The following TLR1 variants were observed in gnomAD, a reference collection of about 807,000 sequenced individuals.
TLR1 encodes toll like receptor 1, also known as toll-like receptor 1.
TLR1 carries 19 observed loss-of-function variants against 20.2 expected under a neutral mutation model. The ratio of observed to expected loss-of-function variants is 0.94; its 90% CI spans 0.66 to 1.38. The LOEUF (loss-of-function observed/expected upper bound fraction) is 1.38, where lower values mean the gene tolerates loss of function less well. TLR1 is among the 40% of genes most tolerant of loss of function. The pLI is 0.00. For synonymous variants in TLR1, 320 were observed against 334.5 expected, an observed-to-expected ratio of 0.96 and a Z score of 0.47; for missense variants, 921 against 910.0, an observed-to-expected ratio of 1.01 and a Z score of -0.16.
rs748263847 is a variant in TLR1, at chr4:38,797,896, G to A, written c.936C>T (p.Phe312=). ...CATAGATATAACTTTGCGGAAAACC[G>A]AACACATCGCTGACAACTTGGTGTA... is the stretch of plus-strand genomic sequence containing the variant. The part of the protein sequence containing the change: ...LSIHQVVSDV[F]GFPQSYIYEI... The change falls in exon 4 of 4, where the codon TTC becomes TTT. Residue 312 remains phenylalanine (F), a synonymous_variant. Coordinates refer to ENST00000308979, the MANE Select transcript of TLR1 (RefSeq NM_003263.4). 111 of 1,613,986 alleles carry A rather than the reference G, an allele frequency of 6.9e-5. 1 individual carries two copies. In the Admixed American group the frequency reaches 1.4e-3, roughly 20 times the overall value.
At chr4:38,802,855 A>G (rs56360499) in intron 2 of TLR1, among the ~76,000 whole-genome samples, 1 of 152,318 alleles carries the variant, frequency 6.6e-6, no homozygotes, top group African/African-American at 2.4e-5. Flanking sequence ...TAGCCATAAC[A>G]TAGGGAAGGT....
chr4:38,799,948 G>A (rs1201336203), intron 3 of TLR1, among the ~76,000 whole-genome samples: 7 of 152,134 alleles, frequency 4.6e-5, no homozygotes, highest in Admixed American at 3.9e-4. Context: ...TGGGGAGACA[G>A]AAAATAAATG....
downstream of TLR1, among the ~76,000 whole-genome samples, chr4:38,788,322 A>T (rs1725650560): frequency 6.6e-6 from 1 of 152,222 alleles, no homozygotes; most frequent in African/African-American, 2.4e-5. Context: ...CGGTAAAGAG[A>T]AAAGAGTACA....
rs775469175 is a variant in TLR1 at position 38,796,764 on chromosome 4, TC to T, written c.2067del (p.Ser690ValfsTer37). The T allele has an allele frequency of 1.7e-5, 28 of 1,614,104 alleles. No individual in the cohort carries two copies. The highest frequency in any genetic ancestry group is 2.2e-5 in the Non-Finnish European group (26 of 1,180,042). On this transcript the variant is annotated frameshift_variant, in exon 4 of 4. Transcript: ENST00000308979. LOFTEE classifies it high-confidence loss of function. ...IVENIITCIEKSYKSIFVLSP... is the reference protein window; with the variant it reads ...IVENIITCIEXSYKSIFVLSP... ...GACAAAACAAAGATGGACTTGTAAC[TC>T]TTCTCAATGCAGGTGATGATATTTT...
At position 38,797,008 on chromosome 4, in the gene TLR1, C is replaced by G; in HGVS notation, c.1824G>C (p.Trp608Cys). ...TSLCSYLDLPWYLRMVCQWTQ... is the reference protein window; with the variant it reads ...TSLCSYLDLPCYLRMVCQWTQ... ...TCCACTGGCACACCATCCTGAGATACCAGGGCAGATCCAAGTAGCTGCAGA... is the reference window on the plus strand; with the variant it reads ...TCCACTGGCACACCATCCTGAGATAGCAGGGCAGATCCAAGTAGCTGCAGA... The change falls in exon 4 of 4, where the codon TGG becomes TGC. Residue 608 changes from tryptophan to cysteine, a missense_variant. Coordinates refer to ENST00000308979, the MANE Select transcript of TLR1 (RefSeq NM_003263.4). 6.2e-7 allele frequency: 1 copy of G among 1,614,130 alleles called. No homozygotes were observed. The highest frequency in any genetic ancestry group is 8.5e-7 in the Non-Finnish European group (1 of 1,180,038).
chr4:38,800,196 G>A (rs552583715), intron 3 of TLR1, among the ~76,000 whole-genome samples: 115 of 152,178 alleles, frequency 7.6e-4, no homozygotes, highest in Non-Finnish European at 1.2e-3. Flanking sequence ...TAAAGGACCT[G>A]AGATGGAATT....
chr4:38,798,449 G>A lies in TLR1; in HGVS notation c.383C>T (p.Ala128Val), dbSNP rs1397041174. 6.2e-7 allele frequency: 1 copy of A among 1,613,786 alleles called. No homozygotes were observed. The highest frequency in any genetic ancestry group is 1.3e-5 in the African/African-American group (1 of 74,864). ...HLDLSFNAFD[A>V]LPICKEFGNM... ...GCCAAACTCTTTGCATATAGGCAGG[G>A]CATCAAATGCATTAAATGACAGGTC... The change falls in exon 4 of 4, where the codon GCC becomes GTC. Residue 128 changes from alanine to valine, a missense_variant. Physicochemically the swap from Ala to Val is moderately conservative, Grantham distance 64 (BLOSUM62 0). Transcript: ENST00000308979.
At chr4:38,792,047 A>G (rs534761979), downstream of TLR1, among the ~76,000 whole-genome samples, 122 of 152,198 alleles carry the variant, frequency 8.0e-4, 1 homozygote, top group Non-Finnish European at 1.6e-3. Context: ...GATTTCTAAA[A>G]CAACCATATG....
chr4:38,792,853 T>TTATATATATATATATATATA (rs72518392), downstream of TLR1, among the ~76,000 whole-genome samples: 796 of 122,014 alleles, frequency 6.5e-3, 22 homozygotes, highest in African/African-American at 0.013. Context: ...TATTTTCAAA[T>TTATATATATATATATATATA]TATATATATA....
At position 38,798,710 on chromosome 4, in the gene TLR1, T is replaced by C; in HGVS notation, c.122A>G (p.Lys41Arg). 1 of 1,613,920 alleles carries C rather than the reference T, an allele frequency of 6.2e-7. No homozygotes were observed. The highest frequency in any genetic ancestry group is 8.5e-7 in the Non-Finnish European group (1 of 1,179,972). Residue 41 changes from lysine (K) to arginine (R), a missense_variant, in exon 4 of 4, where the codon AAA becomes AGA. Coordinates refer to ENST00000308979, the MANE Select transcript of TLR1 (RefSeq NM_003263.4). ...GATTGTTGTTTTCTGGGATAGGTCT[T>C]TAGGAACGTGGATGAGACCGTTTTT... ...RSKNGLIHVP[K>R]DLSQKTTILN... is the part of the protein sequence containing the mutation.
At chr4:38,791,768 C>T (rs1172023720), downstream of TLR1, among the ~76,000 whole-genome samples, 1 of 152,114 alleles carries the variant, frequency 6.6e-6, no homozygotes, top group Non-Finnish European at 1.5e-5. Flanking sequence ...TTGCTTAATG[C>T]CAGGAACTGT....
chr4:38,794,635 G>GAAAAA (rs72449147), downstream of TLR1: 3 of 121,072 alleles, frequency 2.5e-5, no homozygotes, highest in African/African-American at 8.7e-5. Flanking sequence ...AGACCTAATG[G>GAAAAA]AAAAAAAAAA....
At chr4:38,793,677 T>C (rs1412769655), downstream of TLR1, among the ~76,000 whole-genome samples, 2 of 152,196 alleles carry the variant, frequency 1.3e-5, no homozygotes, top group Non-Finnish European at 2.9e-5. Flanking sequence ...AAACTCTAAG[T>C]GACTTTAGGT....
chr4:38,797,360 C>T lies in TLR1; in HGVS notation c.1472G>A (p.Ser491Asn), dbSNP rs370784389. Residue 491 changes from serine (S) to asparagine (N), a missense_variant, in exon 4 of 4, where the codon AGC (serine) becomes AAC (asparagine). Physicochemically the swap from Ser to Asn is conservative, Grantham distance 46. Transcript: ENST00000308979. Reference protein sequence around the residue: ...TDLPGCGSFSSLSVLIIDHNS... With the variant: ...TDLPGCGSFSNLSVLIIDHNS... ...GTGATCAATGATCAATACAGAAAGG[C>T]TGCTAAAGCTGCCACATCCAGGAAG... 1.7e-5 allele frequency: 27 copies of T among 1,613,916 alleles called. No individual in the cohort carries two copies. Among genetic ancestry groups the T allele is most frequent in the Admixed American group, 5.0e-5 (3 of 59,998 alleles).
In TLR1 at chr4:38,796,821, T is replaced by A; in HGVS notation, c.2011A>T (p.Arg671Ter). Residue 671 changes from arginine (R) to a stop codon, truncating the protein, a stop_gained, in exon 4 of 4, where the codon AGA becomes TGA. Transcript: ENST00000308979. LOFTEE classifies it high-confidence loss of function. ...KEGMQICLHE[R>*]NFVPGKSIVE... is the part of the protein sequence containing the mutation. ...ATGCTCTTGCCAGGAACAAAGTTTCTCTCATGAAGGCAAATCTGCATACCT... is the reference window on the plus strand; with the variant it reads ...ATGCTCTTGCCAGGAACAAAGTTTCACTCATGAAGGCAAATCTGCATACCT... The A allele has an allele frequency of 1.2e-6, 2 of 1,614,258 alleles. No homozygotes were observed. Among genetic ancestry groups the A allele is most frequent in the Non-Finnish European group, 1.7e-6 (2 of 1,180,048 alleles).
chr4:38,801,244 A>G (rs1726620618), intron 2 of TLR1, among the ~76,000 whole-genome samples: 1 of 152,160 alleles, frequency 6.6e-6, no homozygotes, highest in South Asian at 2.1e-4. Flanking sequence ...TCAGATTAGT[A>G]CCTTTATAAA....
At position 38,796,571 on chromosome 4, in the gene TLR1, G is replaced by A; in HGVS notation, c.2261C>T (p.Thr754Ile). ...HKLKSLMARR[T>I]YLEWPKEKSK... The stretch of plus-strand genomic sequence containing the variant: ...CTTTTCCTTGGGCCATTCCAAATAA[G>A]TCCTCCTGGCCATGAGACTTTTGAG... The change falls in exon 4 of 4, where the codon ACT (threonine) becomes ATT (isoleucine). Residue 754 changes from threonine to isoleucine, a missense_variant. Physicochemically the swap from Thr to Ile is moderately conservative, Grantham distance 89 (BLOSUM62 -1). Transcript: ENST00000308979. The A allele has an allele frequency of 6.2e-7, 1 of 1,614,120 alleles. No individual in the cohort carries two copies. Among genetic ancestry groups the A allele is most frequent in the Non-Finnish European group, 8.5e-7 (1 of 1,180,032 alleles).
Position 38,797,678 on chromosome 4 carries a change from T to C in TLR1, c.1154A>G (p.Lys385Arg). The part of the protein sequence containing the change: ...ETLILQMNQL[K>R]ELSKIAEMTT... ...CATTTCAGCTATTTTTGAAAGTTCT[T>C]TTAATTGATTCATTTGTAAAATAAG... The change falls in exon 4 of 4, where the codon AAA becomes AGA. Residue 385 changes from lysine (K) to arginine (R), a missense_variant. By Grantham distance (26) the Lys-to-Arg change is conservative. Coordinates refer to ENST00000308979, the MANE Select transcript of TLR1 (RefSeq NM_003263.4). 1 of 1,613,966 alleles carries C rather than the reference T, an allele frequency of 6.2e-7. No individual in the cohort carries two copies. The highest frequency in any genetic ancestry group is 8.5e-7 in the Non-Finnish European group (1 of 1,179,974).
At position 38,802,563 on chromosome 4, in the gene TLR1, C is replaced by T. The variant is rs5743581; in HGVS notation, c.-159-1615G>A. ...AAGGGAAGAATCAGGGGAGAAGAGA[C>T]GCAAGACTCCAGAAGCCTGCCAACA... On this transcript the variant is annotated intron_variant, in intron 2 of 3. Coordinates refer to ENST00000308979, the MANE Select transcript of TLR1 (RefSeq NM_003263.4). Among the ~76,000 whole-genome samples, 1,096 of 152,332 alleles carry T rather than the reference C, an allele frequency of 7.2e-3. 15 individuals carry two copies. Among genetic ancestry groups the T allele is most frequent in the African/African-American group, 0.024 (1,003 of 41,568 alleles).
Sources: gnomAD v4.1 joint callset for allele counts (sites outside exome capture counted in the v4.1 genomes callset) on GRCh38, gnomAD v4.1.1 for gene constraint, MANE v1.5 for transcripts, NCBI Gene and HGNC (gene_info 2026-07-23, HGNC 2026-07-21) for gene names.